The following YES1 variants were observed in gnomAD, a reference collection of about 807,000 sequenced individuals.
YES1 encodes YES proto-oncogene 1, Src family tyrosine kinase, also known as tyrosine-protein kinase Yes.
YES1 carries 39 observed loss-of-function variants against 70.4 expected under a neutral mutation model. The ratio of observed to expected loss-of-function variants is 0.55; its 90% CI spans 0.43 to 0.72. The LOEUF (loss-of-function observed/expected upper bound fraction) is 0.72. Ranked by LOEUF, YES1 falls within the 30% of genes least tolerant of loss-of-function variation. The pLI is 0.00. For synonymous variants in YES1, 198 were observed against 218.6 expected (o/e 0.91, Z 0.83); for missense variants, 495 against 644.8 (o/e 0.77, Z 2.52).
In YES1 at chr18:724,078, A is replaced by G; in HGVS notation, c.*346T>C. ...CAAGTTTTATCTGTAACAATAAATA[A>G]TTTTCTTTGAGCAATTCTGACTTTG... On this transcript the variant is annotated 3_prime_UTR_variant, in exon 12 of 12. Coordinates refer to ENST00000314574, the MANE Select transcript of YES1 (RefSeq NM_005433.4). 1 of 180,854 alleles carries G rather than the reference A, an allele frequency of 5.5e-6. No individual in the cohort carries two copies. The highest frequency in any genetic ancestry group is 1.2e-5 in the Non-Finnish European group (1 of 85,336). 11.2% of individuals were successfully genotyped at this position (180,854 alleles called of 1,614,324 possible). A position where few individuals can be genotyped will look rare whatever the true frequency, so the allele number is the denominator to read the frequency against.
rs1444084601 is a variant in YES1, at chr18:736,894, A to G, written c.1205T>C (p.Ile402Thr). 2 of 1,613,028 alleles carry G rather than the reference A, an allele frequency of 1.2e-6. No homozygotes were observed. The highest frequency in any genetic ancestry group is 1.7e-6 in the Non-Finnish European group (2 of 1,180,014). Residue 402 changes from isoleucine (I) to threonine (T), a missense_variant, in exon 10 of 12, where the codon ATT becomes ACT. Physicochemically the swap from Ile to Thr is moderately conservative, Grantham distance 89. Transcript: ENST00000314574. ...YIHRDLRAAN[I>T]LVGENLVCKI... Reference sequence around the variant, plus strand: ...GCACACAAGATTTTCTCCTACAAGAATATTAGCAGCCCGAAGATCTCGGTG... The same window carrying G: ...GCACACAAGATTTTCTCCTACAAGAGTATTAGCAGCCCGAAGATCTCGGTG...
At chr18:727,488 C>G (rs2080034462) in intron 11 of YES1, among the ~76,000 whole-genome samples, 1 of 152,098 alleles carries the variant, frequency 6.6e-6, no homozygotes, top group South Asian at 2.1e-4. Flanking sequence ...TTCTACCATC[C>G]TGATCTTTGT....
chr18:795,463 C>T (rs1906488643), intron 1 of YES1, among the ~76,000 whole-genome samples: 1 of 152,068 alleles, frequency 6.6e-6, no homozygotes, highest in Non-Finnish European at 1.5e-5. Context: ...TCTAAATAAA[C>T]TTGCAGCACT....
rs975196670 is a variant in YES1 at position 745,850 on chromosome 18, A to G, written c.582T>C (p.Tyr194=). 8 of 1,611,602 alleles carry G rather than the reference A, an allele frequency of 5.0e-6. No individual in the cohort carries two copies. In the South Asian group the frequency reaches 8.9e-5, roughly 18 times the overall value. Residue 194 remains tyrosine, a synonymous_variant, in exon 6 of 12, where the codon TAT becomes TAC. Transcript: ENST00000314574. The part of the protein sequence containing the change: ...VRESETTKGA[Y]SLSIRDWDEI... ...CATCCCAATCACGAATAGAAAGGGAATAAGCACCTGGGTGAAAAATAAATA... is the reference window on the plus strand; with the variant it reads ...CATCCCAATCACGAATAGAAAGGGAGTAAGCACCTGGGTGAAAAATAAATA...
At chr18:805,104 T>C (rs1907034890) in intron 1 of YES1, among the ~76,000 whole-genome samples, 1 of 152,170 alleles carries the variant, frequency 6.6e-6, no homozygotes, top group South Asian at 2.1e-4. Flanking sequence ...AATACGGTCA[T>C]GCATCACTTA....
In YES1 at chr18:737,084, T is replaced by G. The variant is rs573487997; in HGVS notation, c.1138-123A>C. 1.2e-4 allele frequency: 99 copies of G among 795,344 alleles called. 1 individual carries two copies. In the East Asian group the frequency reaches 2.3e-3, roughly 19 times the overall value. 49.3% of individuals were successfully genotyped at this position (795,344 alleles called of 1,614,324 possible). A position where few individuals can be genotyped will look rare whatever the true frequency, so the allele number is the denominator to read the frequency against. The stretch of plus-strand genomic sequence containing the variant: ...ATATTATTTTAGAAGGAGATGATGG[T>G]AACAGGGTATAGTCTAGAAGATAAC... On this transcript the variant is annotated intron_variant, in intron 9 of 11. Transcript: ENST00000314574.
At chr18:767,532 C>T (rs1904968552) in intron 1 of YES1, among the ~76,000 whole-genome samples, 3 of 152,138 alleles carry the variant, frequency 2.0e-5, no homozygotes, top group Admixed American at 2.0e-4. Flanking sequence ...CACTGAATTA[C>T]CTTGTTACCT....
At chr18:775,207 T>C (rs1905318467) in intron 1 of YES1, 1 of 152,206 alleles carries the variant, frequency 6.6e-6, no homozygotes, top group Non-Finnish European at 1.5e-5. Flanking sequence ...GTGGCTGGTA[T>C]TTGAAGCACG....
chr18:780,519 C>T (rs1267454592), intron 1 of YES1, among the ~76,000 whole-genome samples: 3 of 152,112 alleles, frequency 2.0e-5, no homozygotes, highest in Admixed American at 6.5e-5. Flanking sequence ...AGCAAGAAAG[C>T]CCTTCTCATA....
intron 1 of YES1, among the ~76,000 whole-genome samples, chr18:777,610 C>T (rs929518761): frequency 8.6e-5 from 13 of 151,764 alleles, no homozygotes; most frequent in Non-Finnish European, 1.6e-4. Context: ...AGTTCAAGAC[C>T]GGCCTGGCCA....
intron 1 of YES1, among the ~76,000 whole-genome samples, chr18:801,864 GA>G (rs923153835): frequency 1.3e-5 from 2 of 152,122 alleles, no homozygotes; most frequent in Non-Finnish European, 2.9e-5. Flanking sequence ...ACTTGATTGG[GA>G]AAACATGCTC....
Position 722,430 on chromosome 18 carries a change from G to T in YES1, c.*1994C>A, listed in dbSNP as rs1446001932. The T allele has an allele frequency of 1.3e-5, 2 of 152,618 alleles. No individual in the cohort carries two copies. The highest frequency in any genetic ancestry group is 6.5e-5 in the Admixed American group (1 of 15,276). The allele number at this position is 152,618 out of a possible 1,614,324, so 9.5% of individuals were successfully genotyped here. A position where few individuals can be genotyped will look rare whatever the true frequency, so the allele number is the denominator to read the frequency against. On this transcript the variant is annotated 3_prime_UTR_variant, in exon 12 of 12. Coordinates refer to ENST00000314574, the MANE Select transcript of YES1 (RefSeq NM_005433.4). ...CATGGCACAGAATTTCGAATCTGAT[G>T]ATTAAAATCAGGTAAATAATGATAG...
chr18:725,831 C>G (rs535644600), intron 11 of YES1, among the ~76,000 whole-genome samples: 36 of 152,100 alleles, frequency 2.4e-4, no homozygotes, highest in Non-Finnish European at 4.1e-4. Context: ...TTGCAGTGAG[C>G]CGAGATTGCG....
At chr18:767,325 T>C (rs1904958869) in intron 1 of YES1, among the ~76,000 whole-genome samples, 1 of 152,094 alleles carries the variant, frequency 6.6e-6, no homozygotes, top group East Asian at 1.9e-4. Context: ...CATTTTTGTA[T>C]TTTTTTGTAA....
intron 1 of YES1, among the ~76,000 whole-genome samples, chr18:793,916 G>A (rs573980012): frequency 2.0e-5 from 3 of 152,176 alleles, no homozygotes; most frequent in African/African-American, 7.2e-5. Context: ...TAATCCATAA[G>A]TCACTCTGAT....
At chr18:728,622 GT>G (rs1431624388) in intron 11 of YES1, among the ~76,000 whole-genome samples, 3 of 152,136 alleles carry the variant, frequency 2.0e-5, no homozygotes, top group African/African-American at 7.2e-5. Flanking sequence ...TGCCTCCCAG[GT>G]TCAAGTGATT....
At chr18:733,063 G>A in intron 10 of YES1, 98 bp from the exon 11 acceptor site, 1 of 1,142,536 alleles carries the variant, frequency 8.8e-7, no homozygotes, top group Non-Finnish European at 1.3e-6. Flanking sequence ...TATCTCTACT[G>A]TAGTCATCAG....
intron 1 of YES1, among the ~76,000 whole-genome samples, chr18:796,890 G>A (rs1389663244): frequency 1.3e-5 from 2 of 152,010 alleles, no homozygotes; most frequent in African/African-American, 2.4e-5. Context: ...TTAATAACTA[G>A]CAGTAGTGAG....
At chr18:767,681 A>AT (rs1244543928) in intron 1 of YES1, among the ~76,000 whole-genome samples, 5 of 152,018 alleles carry the variant, frequency 3.3e-5, no homozygotes, top group African/African-American at 9.7e-5. Context: ...AAATTATATA[A>AT]TATAAAGCCT....
Sources: gnomAD v4.1 joint callset for allele counts (sites outside exome capture counted in the v4.1 genomes callset) on GRCh38, gnomAD v4.1.1 for gene constraint, MANE v1.5 for transcripts, NCBI Gene and HGNC (gene_info 2026-07-23, HGNC 2026-07-21) for gene names.